UBR1: variants seen among roughly 807,000 people sequenced by gnomAD.
The protein encoded by UBR1 is ubiquitin protein ligase E3 component n-recognin 1.
A neutral mutation model predicts 242.1 loss-of-function variants in UBR1; 102 were observed. The observed-to-expected ratio is 0.42, with a 90% confidence interval of 0.36 to 0.50. UBR1 has a LOEUF of 0.50. Among genes scored for constraint, UBR1 ranks in the 20% least tolerant of loss-of-function variants. The pLI is 0.01. For synonymous variants in UBR1, 675 were observed against 684.8 expected, an observed-to-expected ratio of 0.99 and a Z score of 0.22; for missense variants, 1,772 against 2,101.8, an observed-to-expected ratio of 0.84 and a Z score of 3.07.
chr15:43,096,174 CT>C (rs533952574), intron 1 of UBR1, among the ~76,000 whole-genome samples: 171 of 140,998 alleles, frequency 1.2e-3, no homozygotes, highest in East Asian at 4.4e-3. Context: ...CAATTTCTCT[CT>C]TTTTTTTTTT....
rs112780488 is a variant in UBR1 at position 42,975,207 on chromosome 15, T to C, written c.4369+1510A>G. 5.9e-3 allele frequency among the ~76,000 whole-genome samples: 905 copies of C among 152,306 alleles called. 9 individuals carry two copies. Among genetic ancestry groups the C allele is most frequent in the African/African-American group, 0.021 (854 of 41,570 alleles). On this transcript the variant is annotated intron_variant, in intron 39 of 46. Transcript: ENST00000290650. Reference sequence around the variant, plus strand: ...CACCACCCGGCCTCTATTGTCTCTTTTATAAAACACATAAGCAAAAATGTA... The same window carrying C: ...CACCACCCGGCCTCTATTGTCTCTTCTATAAAACACATAAGCAAAAATGTA...
chr15:43,007,147 A>G lies in UBR1; in HGVS notation c.3347T>C (p.Leu1116Ser). ...AGTAGATTTCTGGACACAGGCCGAT[A>G]ATACCATGGCATTATTTTCTATTTT... ...EVKIENNAMV[L>S]SACVQKSTAL... The change falls in exon 30 of 47, where the codon TTA becomes TCA. Residue 1116 changes from leucine (L) to serine (S), a missense_variant. This residue lies in a region of UBR1 where 965 missense variants were observed against 1,079.7 expected (regional missense o/e 0.89). Coordinates refer to ENST00000290650, the MANE Select transcript of UBR1 (RefSeq NM_174916.3). 6.2e-7 allele frequency: 1 copy of G among 1,614,138 alleles called. No homozygotes were observed. The highest frequency in any genetic ancestry group is 8.5e-7 in the Non-Finnish European group (1 of 1,180,014).
intron 12 of UBR1, among the ~76,000 whole-genome samples, chr15:43,048,842 G>C (rs973964668): frequency 2.6e-5 from 4 of 152,106 alleles, no homozygotes; most frequent in Non-Finnish European, 5.9e-5. Flanking sequence ...TCAGCCAAAG[G>C]GCCAGCTGAA....
chr15:43,014,232 C>T (rs2032973263), intron 29 of UBR1, among the ~76,000 whole-genome samples: 1 of 152,256 alleles, frequency 6.6e-6, no homozygotes, highest in South Asian at 2.1e-4. Flanking sequence ...CGGCTTGCTA[C>T]AACCTCCACC....
rs528501915 is a variant in UBR1, at chr15:43,014,717, G to A, written c.3209+971C>T. Among the ~76,000 whole-genome samples, 795 of 151,402 alleles carry A rather than the reference G, an allele frequency of 5.3e-3. 11 individuals are homozygous for A. Among genetic ancestry groups the A allele is most frequent in the African/African-American group, 0.019 (764 of 41,286 alleles). ...CATCTGAGAAGTGAGGAGCCCCTCC[G>A]CCCGGCAGCCACCCCGTCTGGGAAG... On this transcript the variant is annotated intron_variant, in intron 29 of 46. Coordinates refer to ENST00000290650, the MANE Select transcript of UBR1 (RefSeq NM_174916.3).
Position 43,070,883 on chromosome 15 carries a change from T to A in UBR1, c.571A>T (p.Arg191Trp). ...PLNEEVIVQA[R>W]KIFPSVIKYV... ...TTTATCACTGAAGGAAATATTTTCC[T>A]GGCTTGGACAATTACCTCTTCATTC... is the stretch of plus-strand genomic sequence containing the variant. The change falls in exon 5 of 47, where the codon AGG becomes TGG. Residue 191 changes from arginine (R) to tryptophan (W), a missense_variant. Physicochemically the swap from Arg to Trp is moderately radical, Grantham distance 101. This residue lies in a region of UBR1 where 734 missense variants were observed against 893.3 expected (regional missense o/e 0.82). Transcript: ENST00000290650. 8 of 1,613,854 alleles carry A rather than the reference T, an allele frequency of 5.0e-6. No individual in the cohort carries two copies. Among genetic ancestry groups the A allele is most frequent in the Non-Finnish European group, 6.8e-6 (8 of 1,179,986 alleles).
At position 42,983,898 on chromosome 15, in the gene UBR1, T is replaced by G; in HGVS notation, c.4149A>C (p.Ser1383=). 1 of 1,608,208 alleles carries G rather than the reference T, an allele frequency of 6.2e-7. No homozygotes were observed. The highest frequency in any genetic ancestry group is 8.5e-7 in the Non-Finnish European group (1 of 1,175,346). ...ATAATAGTTCAGAGAAGACTCTACC[T>G]GATAGAAGACGAACCAGATGTTTCT... ...LIQKHLVRLL[S]VVLPNIKSED... The change falls in exon 37 of 47, where the codon TCA becomes TCC. Residue 1383 remains serine, a splice_region_variant and synonymous_variant. Coordinates refer to ENST00000290650, the MANE Select transcript of UBR1 (RefSeq NM_174916.3).
chr15:43,034,226 A>C (rs2141314690), intron 19 of UBR1, among the ~76,000 whole-genome samples: 1 of 148,858 alleles, frequency 6.7e-6, no homozygotes, highest in African/African-American at 2.5e-5. Flanking sequence ...ACAGAGCAAC[A>C]CTCCATCTCA....
intron 33 of UBR1, among the ~76,000 whole-genome samples, chr15:42,995,207 C>T (rs1490527491): frequency 6.6e-6 from 1 of 152,112 alleles, no homozygotes; most frequent in Non-Finnish European, 1.5e-5. Context: ...TGATTTAAGG[C>T]TGAATTTTTG....
chr15:42,945,477 G>C lies in UBR1; in HGVS notation c.5109-7C>G. ...ATGAAGGGGGTTGCCCCTCCTTTAG[G>C]GAAAAAAGAAAAAACAACATGTAAG... On this transcript the variant is annotated splice_region_variant and splice_polypyrimidine_tract_variant and intron_variant, in intron 46 of 46. Transcript: ENST00000290650. The C allele has an allele frequency of 6.2e-7, 1 of 1,613,270 alleles. No homozygotes were observed. Among genetic ancestry groups the C allele is most frequent in the Admixed American group, 1.7e-5 (1 of 59,860 alleles).
intron 3 of UBR1, 84 bp from the exon 4 acceptor site, chr15:43,075,173 G>A: frequency 9.4e-7 from 1 of 1,058,272 alleles, no homozygotes. Context: ...AATAATAAAT[G>A]CTCACCAATA....
At position 43,097,814 on chromosome 15, in the gene UBR1, C is replaced by T. The variant is rs117720757; in HGVS notation, c.81+8128G>A. Among the ~76,000 whole-genome samples, 1,083 of 152,308 alleles carry T rather than the reference C, an allele frequency of 7.1e-3. 42 individuals are homozygous for T. In the South Asian group the frequency reaches 0.1, roughly 14 times the overall value. Reference sequence around the variant, plus strand: ...CCTTAAGGGAATATTGTGGCTGGTTCAATCTTCTATCCAGAGCACTAAAAC... The same window carrying T: ...CCTTAAGGGAATATTGTGGCTGGTTTAATCTTCTATCCAGAGCACTAAAAC... On this transcript the variant is annotated intron_variant, in intron 1 of 46. Coordinates refer to ENST00000290650, the MANE Select transcript of UBR1 (RefSeq NM_174916.3).
rs1432155456 is a variant in UBR1, at chr15:43,002,623, G to A, written c.3591C>T (p.Cys1197=). The change falls in exon 32 of 47, where the codon TGC becomes TGT. Residue 1197 remains cysteine (C), a synonymous_variant. Coordinates refer to ENST00000290650, the MANE Select transcript of UBR1 (RefSeq NM_174916.3). ...TATTGCACAGAGATTTGCAAAGAGG[G>A]CAAAGATATTCTCCACTTTCCAAGT... ...LFDLESGEYL[C]PLCKSLCNTV... The A allele has an allele frequency of 6.2e-7, 1 of 1,614,108 alleles. No homozygotes were observed. The highest frequency in any genetic ancestry group is 1.7e-5 in the Admixed American group (1 of 60,014).
At chr15:43,029,190 AT>A (rs989020778) in intron 21 of UBR1, among the ~76,000 whole-genome samples, 4 of 152,100 alleles carry the variant, frequency 2.6e-5, no homozygotes, top group African/African-American at 9.7e-5. Flanking sequence ...AAGTATAATT[AT>A]TTTTTAAGAA....
At chr15:43,011,186 A>G (rs1388484449) in intron 29 of UBR1, among the ~76,000 whole-genome samples, 1 of 152,108 alleles carries the variant, frequency 6.6e-6, no homozygotes, top group African/African-American at 2.4e-5. Context: ...CATCTCAAAA[A>G]AAAAAAACTG....
At chr15:43,036,398 T>C in intron 18 of UBR1, 119 bp from the exon 19 acceptor site, 1 of 1,190,474 alleles carries the variant, frequency 8.4e-7, no homozygotes. Context: ...CCCTTCTATT[T>C]CTATGAGTCA....
Position 43,059,837 on chromosome 15 carries a change from G to C in UBR1, c.862-12C>G. On this transcript the variant is annotated splice_polypyrimidine_tract_variant and intron_variant, in intron 7 of 46. Coordinates refer to ENST00000290650, the MANE Select transcript of UBR1 (RefSeq NM_174916.3). ...TTTTCTGAATGACTCTACAAATGAA[G>C]GGAACGAACCAAAAAAATAGCATTT... is the stretch of plus-strand genomic sequence containing the variant. 1 of 1,613,636 alleles carries C rather than the reference G, an allele frequency of 6.2e-7. No individual in the cohort carries two copies. The highest frequency in any genetic ancestry group is 8.5e-7 in the Non-Finnish European group (1 of 1,179,736).
intron 33 of UBR1, 22 bp from the exon 34 acceptor site, chr15:42,990,142 G>T: frequency 6.6e-7 from 1 of 1,513,746 alleles, no homozygotes. Context: ...AAAGGAAAAA[G>T]AAAGAAAAAT....
At chr15:43,047,344 G>C (rs943239736) in intron 13 of UBR1, 55 bp from the exon 14 acceptor site, 41 of 1,612,382 alleles carry the variant, frequency 2.5e-5, no homozygotes, top group Non-Finnish European at 3.1e-5. Flanking sequence ...TCTTTGCTCT[G>C]CTCTTGGCAA....
Sources: allele counts gnomAD v4.1 joint callset (sites outside exome capture counted in the v4.1 genomes callset), GRCh38; gene constraint gnomAD v4.1.1; regional missense constraint gnomAD v4.1.1; transcripts MANE v1.5; gene names NCBI Gene and HGNC (gene_info 2026-07-23, HGNC 2026-07-21).